The following KANK1 variants were observed in gnomAD, a reference collection of about 807,000 sequenced individuals.
KANK1 encodes the protein KN motif and ankyrin repeat domain-containing protein 1.
Under a neutral mutation model 106.2 loss-of-function variants are expected in KANK1, and 109 were observed. That is an observed-to-expected ratio of 1.03 (90% CI 0.88 to 1.20). The LOEUF (loss-of-function observed/expected upper bound fraction) is 1.20, where lower values mean the gene tolerates loss of function less well. Among genes scored for constraint, KANK1 ranks in the 50% most tolerant of loss-of-function variants. The pLI, the probability that KANK1 is intolerant of heterozygous loss-of-function variation, is 0.00. For synonymous variants in KANK1, 873 were observed against 652.2 expected (o/e 1.34, Z -5.16); for missense variants, 2,399 against 1,710.7 (o/e 1.40, Z -7.10).
intron 2 of KANK1, among the ~76,000 whole-genome samples, chr9:709,345 T>C (rs1211035220): frequency 6.6e-6 from 1 of 152,124 alleles, no homozygotes; most frequent in African/African-American, 2.4e-5. Context: ...CCAAGGCAAA[T>C]TGTAAGCCCA....
intron 1 of KANK1, among the ~76,000 whole-genome samples, chr9:527,583 A>C (rs931500534): frequency 4.0e-5 from 6 of 151,644 alleles, no homozygotes; most frequent in African/African-American, 1.5e-4. Context: ...TTACAGGTGT[A>C]AGCCACTACA....
At chr9:718,789 G>C (rs2131229065) in intron 3 of KANK1, among the ~76,000 whole-genome samples, 1 of 152,260 alleles carries the variant, frequency 6.6e-6, no homozygotes, top group East Asian at 1.9e-4. Flanking sequence ...TCTGAGAGGA[G>C]AGCGTAGAAA....
chr9:664,395 A>T (rs1844086551), intron 1 of KANK1, among the ~76,000 whole-genome samples: 1 of 152,198 alleles, frequency 6.6e-6, no homozygotes, highest in Non-Finnish European at 1.5e-5. Flanking sequence ...TCCAAATGAC[A>T]GGATTTAATT....
chr9:561,873 A>G (rs1051768815), intron 1 of KANK1, among the ~76,000 whole-genome samples: 14 of 152,348 alleles, frequency 9.2e-5, no homozygotes, highest in Non-Finnish European at 1.5e-4. Flanking sequence ...CGTTTTCTGT[A>G]TTCAGAAAGC....
intron 2 of KANK1, among the ~76,000 whole-genome samples, chr9:681,499 G>C (rs745423129): frequency 6.6e-6 from 1 of 152,132 alleles, no homozygotes; most frequent in African/African-American, 2.4e-5. Flanking sequence ...TTAGAGCTTA[G>C]ATATGCTTTA....
intron 1 of KANK1, among the ~76,000 whole-genome samples, chr9:531,961 C>T (rs1483534759): frequency 1.3e-5 from 2 of 152,208 alleles, no homozygotes; most frequent in East Asian, 1.9e-4. Context: ...GGCCTCCAAG[C>T]AGCATGCACA....
intron 1 of KANK1, among the ~76,000 whole-genome samples, chr9:576,313 T>C (rs1820546323): frequency 1.3e-5 from 2 of 152,202 alleles, no homozygotes; most frequent in South Asian, 4.1e-4. Context: ...CCTGAGTGTA[T>C]ACAAGGTAAG....
chr9:519,574 C>T (rs528212236), intron 1 of KANK1, among the ~76,000 whole-genome samples: 5 of 151,884 alleles, frequency 3.3e-5, no homozygotes, highest in African/African-American at 1.2e-4. Context: ...GAGCCTAATA[C>T]TGAAAAGCTA....
chr9:472,162 A>T (rs569214540), intron 2 of KANK1, among the ~76,000 whole-genome samples: 25 of 152,344 alleles, frequency 1.6e-4, no homozygotes, highest in African/African-American at 5.5e-4. Flanking sequence ...AGCCTCTTAT[A>T]GAGAGCTGGC....
At chr9:496,458 G>A (rs978003576) in intron 3 of KANK1, among the ~76,000 whole-genome samples, 9 of 152,192 alleles carry the variant, frequency 5.9e-5, no homozygotes, top group Non-Finnish European at 1.0e-4. Context: ...TCGGGAGGCT[G>A]AGGTGGAAGA....
intron 1 of KANK1, among the ~76,000 whole-genome samples, chr9:608,077 C>A (rs1269561251): frequency 7.0e-6 from 1 of 142,796 alleles, no homozygotes; most frequent in African/African-American, 2.7e-5. Flanking sequence ...GTCGCCCAGG[C>A]CGGACTGCGG....
chr9:676,612 A>C (rs1451360539), intron 1 of KANK1, among the ~76,000 whole-genome samples: 1 of 152,194 alleles, frequency 6.6e-6, no homozygotes, highest in Non-Finnish European at 1.5e-5. Flanking sequence ...TTTGGTGACC[A>C]CTTTCCTAAA....
At chr9:521,272 C>G (rs1015668501) in intron 1 of KANK1, among the ~76,000 whole-genome samples, 6 of 151,690 alleles carry the variant, frequency 4.0e-5, no homozygotes, top group Non-Finnish European at 5.9e-5. Context: ...TCTGCATGTT[C>G]ACCCTCACAC....
At chr9:738,244 C>A in intron 7 of KANK1, 41 bp from the exon 8 acceptor site, 1 of 1,532,524 alleles carries the variant, frequency 6.5e-7, no homozygotes, top group South Asian at 1.2e-5. Context: ...CTCAGAAAGT[C>A]TATAAATAGA....
At chr9:548,867 C>T (rs1453023431) in intron 1 of KANK1, among the ~76,000 whole-genome samples, 1 of 152,028 alleles carries the variant, frequency 6.6e-6, no homozygotes, top group East Asian at 1.9e-4. Flanking sequence ...TTGCTTGAGT[C>T]CAGGAGTTCG....
intron 3 of KANK1, among the ~76,000 whole-genome samples, chr9:726,986 A>G (rs1393262298): frequency 6.6e-6 from 1 of 152,216 alleles, no homozygotes; most frequent in Admixed American, 6.5e-5. Context: ...AAAATTATTT[A>G]CCAAAGTAGG....
At chr9:581,962 C>CTT (rs1408936164) in intron 1 of KANK1, among the ~76,000 whole-genome samples, 1 of 152,174 alleles carries the variant, frequency 6.6e-6, no homozygotes, top group African/African-American at 2.4e-5. Context: ...TGTGAGAGAT[C>CTT]TTGCTATCTT....
rs568957659 is a variant in KANK1 at position 563,954 on chromosome 9, A to T, written c.-84+59200A>T. ...TTTTCTTTCTTCCCTGTAACACATT[A>T]TGGCCTGTGAACCTCTAGAAGACAG... On this transcript the variant is annotated intron_variant, in intron 1 of 11. Transcript: ENST00000382297. 5.1e-4 allele frequency among the ~76,000 whole-genome samples: 78 copies of T among 152,038 alleles called. 2 individuals carry two copies. The South Asian group carries it at 0.016, about 31-fold the overall frequency.
chr9:645,161 G>A (rs1332690897), intron 1 of KANK1, among the ~76,000 whole-genome samples: 4 of 147,044 alleles, frequency 2.7e-5, no homozygotes, highest in African/African-American at 1.0e-4. Flanking sequence ...TAGGCTTAGG[G>A]AGTGCATGGT....
Sources: gnomAD v4.1 joint callset for allele counts (sites outside exome capture counted in the v4.1 genomes callset) on GRCh38, gnomAD v4.1.1 for gene constraint, MANE v1.5 for transcripts, NCBI Gene and HGNC (gene_info 2026-07-23, HGNC 2026-07-21) for gene names.